Variants in HERC1 observed in about 807,000 individuals in gnomAD.
HERC1 encodes HECT and RLD domain containing E3 ubiquitin protein ligase family member 1.
A neutral mutation model predicts 554.3 loss-of-function variants in HERC1; 160 were observed. The observed-to-expected ratio is 0.29, with a 90% CI of 0.25 to 0.33. HERC1 has a LOEUF of 0.33. Ranked by LOEUF, HERC1 falls within the 10% of genes least tolerant of loss-of-function variation. The probability of loss-of-function intolerance (pLI) is 1.00; values close to 1 mark genes in which losing one functional copy is unlikely to be tolerated. For missense variants in HERC1, 4,919 were observed against 5,918.5 expected, an observed-to-expected ratio of 0.83 and a Z score of 5.54; for synonymous variants, 2,175 against 2,131.7, an observed-to-expected ratio of 1.02 and a Z score of -0.56.
intron 71 of HERC1, among the ~76,000 whole-genome samples, chr15:63,625,263 A>G (rs1278715383): frequency 2.6e-5 from 4 of 152,216 alleles, no homozygotes; most frequent in African/African-American, 7.2e-5. Flanking sequence ...ATTTGTAAGA[A>G]GAGAAAAAAG....
rs559515076 is a variant in HERC1, at chr15:63,793,386, T to G, written c.-26-17737A>C. Among the ~76,000 whole-genome samples, 7 of 152,330 alleles carry G rather than the reference T, an allele frequency of 4.6e-5. No individual in the cohort carries two copies. The South Asian group carries it at 1.0e-3, about 23-fold the overall frequency. On this transcript the variant is annotated intron_variant, in intron 1 of 77. Transcript: ENST00000443617. ...CATACTGCTCATTATACACTAATTA[T>G]AATGCATTAGTATGCTAAAACACAC...
chr15:63,774,547 C>A, intron 2 of HERC1, 147 bp downstream of exon 2: 2 of 652,290 alleles, frequency 3.1e-6, no homozygotes, highest in South Asian at 4.3e-5. Flanking sequence ...ATAAAAGTTT[C>A]TTCACTCCAA....
chr15:63,826,868 T>C (rs1420372360), intron 1 of HERC1, among the ~76,000 whole-genome samples: 1 of 135,882 alleles, frequency 7.4e-6, no homozygotes, highest in Non-Finnish European at 1.6e-5. Flanking sequence ...ATTCTGTTGG[T>C]GCTTTCACAC....
chr15:63,809,560 C>CA (rs1233152891), intron 1 of HERC1, among the ~76,000 whole-genome samples: 2 of 152,092 alleles, frequency 1.3e-5, no homozygotes, highest in Non-Finnish European at 2.9e-5. Flanking sequence ...GGCCAGGACA[C>CA]AACAGACCAA....
rs765826198 is a variant in HERC1, at chr15:63,632,632, G to T, written c.12796+77C>A. On this transcript the variant is annotated intron_variant, in intron 68 of 77. Transcript: ENST00000443617. ...TAGAACAAAAAAAGGACTCAATTTA[G>T]AGCACATTCTGTAACACTGGAAGGC... is the stretch of plus-strand genomic sequence containing the variant. 4.4e-5 allele frequency: 41 copies of T among 934,316 alleles called. No homozygotes were observed. The South Asian group carries it at 5.0e-4, about 11-fold the overall frequency. The allele number at this position is 934,316 out of a possible 1,614,324, so 57.9% of individuals were successfully genotyped here. A position where few individuals can be genotyped will look rare whatever the true frequency, so the allele number is the denominator to read the frequency against.
chr15:63,792,553 T>C (rs1217147764), intron 1 of HERC1, among the ~76,000 whole-genome samples: 1 of 152,228 alleles, frequency 6.6e-6, no homozygotes, highest in Non-Finnish European at 1.5e-5. Context: ...TTTAAACTCC[T>C]ACAATTTTGG....
chr15:63,668,677 A>T (rs1210818925), intron 40 of HERC1, among the ~76,000 whole-genome samples: 2 of 152,202 alleles, frequency 1.3e-5, no homozygotes, highest in Admixed American at 1.3e-4. Context: ...AAATATCACC[A>T]AGGATAAAGG....
At chr15:63,823,872 CT>C (rs1158809111) in intron 1 of HERC1, among the ~76,000 whole-genome samples, 3 of 152,018 alleles carry the variant, frequency 2.0e-5, no homozygotes, top group African/African-American at 7.3e-5. Context: ...AAAACGTAGC[CT>C]ACGGATTTGG....
intron 1 of HERC1, among the ~76,000 whole-genome samples, chr15:63,814,162 CCT>C (rs2077419177): frequency 6.6e-6 from 1 of 152,062 alleles, no homozygotes; most frequent in South Asian, 2.1e-4. Context: ...TATAAATAGA[CCT>C]ATTAAAAATC....
In HERC1 at chr15:63,652,715, C is replaced by T. The variant is rs62014163; in HGVS notation, c.10291-174G>A. Among the ~76,000 whole-genome samples the T allele has an allele frequency of 0.16, 24,514 of 152,194 alleles. 2,310 individuals are homozygous for T. The highest frequency in any genetic ancestry group is 0.21 in the Middle Eastern group (63 of 294). On this transcript the variant is annotated intron_variant, in intron 51 of 77. Coordinates refer to ENST00000443617, the MANE Select transcript of HERC1 (RefSeq NM_003922.4). ...TTGCCCAGACTGGAGTGCAGTGGCT[C>T]AATCTCAGCTCACTGCAACCTCCAT...
At chr15:63,786,917 A>ATTTTTTTTTTTTTTTTTTTTTTTTTTTTT (rs1378851561) in intron 1 of HERC1, among the ~76,000 whole-genome samples, 1 of 126,978 alleles carries the variant, frequency 7.9e-6, no homozygotes, top group Non-Finnish European at 1.7e-5. Flanking sequence ...TCAATAAATT[A>ATTTTTTTTTTTTTTTTTTTTTTTTTTTTT]TTATTTTTTT....
At chr15:63,629,649 A>G (rs1322247951) in intron 69 of HERC1, among the ~76,000 whole-genome samples, 1 of 151,554 alleles carries the variant, frequency 6.6e-6, no homozygotes, top group Admixed American at 6.6e-5. Flanking sequence ...TTCAACATTA[A>G]CTCTCCTCTC....
intron 53 of HERC1, among the ~76,000 whole-genome samples, chr15:63,650,326 A>G (rs1267214545): frequency 6.6e-6 from 1 of 152,118 alleles, no homozygotes; most frequent in Admixed American, 6.6e-5. Context: ...GTGAGCCGAG[A>G]TCACGCCACT....
chr15:63,832,802 G>C (rs762269396), intron 1 of HERC1, among the ~76,000 whole-genome samples: 10 of 152,066 alleles, frequency 6.6e-5, no homozygotes, highest in Non-Finnish European at 1.3e-4. Flanking sequence ...AACAAATATA[G>C]AATGAGGAAG....
chr15:63,678,183 A>C lies in HERC1; in HGVS notation c.6732T>G (p.Ile2244Met), dbSNP rs770669553. 5.6e-6 allele frequency: 9 copies of C among 1,613,782 alleles called. No individual in the cohort carries two copies. Among genetic ancestry groups the C allele is most frequent in the Non-Finnish European group, 6.8e-6 (8 of 1,179,844 alleles). ...NKKMMERLHK[I>M]KICIKESGQK... ...GACCTGACTCTTTAATACATATCTT[A>C]ATTTTGTGAAGCCTTTCCATCATTT... is the stretch of plus-strand genomic sequence containing the variant. Residue 2244 changes from isoleucine to methionine, a missense_variant, in exon 37 of 78, where the codon ATT becomes ATG. Physicochemically the swap from Ile to Met is conservative, Grantham distance 10. Around this residue, in one of 11 missense-constraint regions of HERC1, gnomAD observed 1,963 missense variants for 2,228.6 expected, o/e 0.88. Coordinates refer to ENST00000443617, the MANE Select transcript of HERC1 (RefSeq NM_003922.4).
chr15:63,771,588 T>C (rs1045696744), intron 2 of HERC1, among the ~76,000 whole-genome samples: 7 of 151,890 alleles, frequency 4.6e-5, no homozygotes, highest in Non-Finnish European at 8.8e-5. Context: ...CCTGCCACCA[T>C]GCCTGGCTAA....
intron 1 of HERC1, among the ~76,000 whole-genome samples, chr15:63,794,538 A>C (rs1014649259): frequency 2.0e-5 from 3 of 152,172 alleles, no homozygotes; most frequent in African/African-American, 7.2e-5. Context: ...CCTGAAGCTA[A>C]CCAGAGGTGA....
At chr15:63,655,995 G>A (rs2070012160) in intron 49 of HERC1, 40 bp from the exon 50 acceptor site, 1 of 1,591,650 alleles carries the variant, frequency 6.3e-7, no homozygotes, top group Non-Finnish European at 8.6e-7. Flanking sequence ...ATTTTTACAT[G>A]TAATTTTGGA....
At chr15:63,724,140 T>C (rs2073939089) in intron 18 of HERC1, among the ~76,000 whole-genome samples, 1 of 152,224 alleles carries the variant, frequency 6.6e-6, no homozygotes, top group Admixed American at 6.5e-5. Context: ...AGAAATTGAT[T>C]TTCTTCATAT....
Sources: gnomAD v4.1 joint callset for allele counts (sites outside exome capture counted in the v4.1 genomes callset) on GRCh38, gnomAD v4.1.1 for gene constraint, gnomAD v4.1.1 regional missense constraint, MANE v1.5 for transcripts, NCBI Gene and HGNC (gene_info 2026-07-23, HGNC 2026-07-21) for gene names.